The following PPARD variants were observed in gnomAD, a reference collection of about 807,000 sequenced individuals.
PPARD encodes the protein peroxisome proliferator-activated receptor delta.
PPARD carries 6 observed loss-of-function variants against 39.5 expected under a neutral mutation model. The observed-to-expected ratio is 0.15, with a 90% CI of 0.08 to 0.30. The LOEUF (loss-of-function observed/expected upper bound fraction) is 0.30, where lower values mean the gene tolerates loss of function less well. Among genes scored for constraint, PPARD ranks in the 10% least tolerant of loss-of-function variants. PPARD has a pLI of 1.00. For synonymous variants in PPARD, 210 were observed against 231.3 expected (o/e 0.91, Z 0.83); for missense variants, 397 against 596.8 (o/e 0.67, Z 3.49).
chr6:35,388,808 C>G (rs1722799993), intron 2 of PPARD, among the ~76,000 whole-genome samples: 1 of 152,114 alleles, frequency 6.6e-6, no homozygotes, highest in South Asian at 2.1e-4. Flanking sequence ...AAACATGTGG[C>G]AGAGGGTCGG....
At chr6:35,349,064 C>T in intron 2 of PPARD, 3 of 971,286 alleles carry the variant, frequency 3.1e-6, no homozygotes, top group Non-Finnish European at 3.7e-6. Flanking sequence ...CTCGCTCTGT[C>T]ACCCAGGCTG....
chr6:35,388,107 C>G (rs999623046), intron 2 of PPARD, among the ~76,000 whole-genome samples: 10 of 151,382 alleles, frequency 6.6e-5, no homozygotes, highest in Admixed American at 1.3e-4. Flanking sequence ...CTCTTCATAG[C>G]TGTTTTCCAG....
intron 1 of PPARD, among the ~76,000 whole-genome samples, chr6:35,344,555 A>T (rs1792055315): frequency 6.6e-6 from 1 of 152,094 alleles, no homozygotes; most frequent in South Asian, 2.1e-4. Flanking sequence ...TCAAGAAATA[A>T]CATATCCTTT....
At chr6:35,405,920 G>A (rs1049883068) in intron 2 of PPARD, among the ~76,000 whole-genome samples, 5 of 148,174 alleles carry the variant, frequency 3.4e-5, no homozygotes, top group Non-Finnish European at 5.9e-5. Flanking sequence ...ATGAACCACC[G>A]CACCTGGACT....
In PPARD at chr6:35,380,646, A is replaced by T. The variant is rs1763106623; in HGVS notation, c.-101-30341A>T. ...AGCTGGAACTACAGGCACATGCACC[A>T]CACCCGGCTAATTTTTAAATTTTTT... On this transcript the variant is annotated intron_variant, in intron 2 of 7. Transcript: ENST00000360694. 5.3e-5 allele frequency among the ~76,000 whole-genome samples: 8 copies of T among 151,178 alleles called. No individual in the cohort carries two copies. In the South Asian group the frequency reaches 1.7e-3, roughly 32 times the overall value.
intron 1 of PPARD, among the ~76,000 whole-genome samples, chr6:35,346,616 C>A (rs756356711): frequency 3.9e-5 from 6 of 152,162 alleles, no homozygotes; most frequent in Non-Finnish European, 8.8e-5. Flanking sequence ...GAGAACATGG[C>A]CCCTTGCATC....
At chr6:35,382,473 G>A (rs1440108695) in intron 2 of PPARD, among the ~76,000 whole-genome samples, 1 of 152,170 alleles carries the variant, frequency 6.6e-6, no homozygotes, top group African/African-American at 2.4e-5. Flanking sequence ...TTAATTATGT[G>A]TAAAAATACT....
chr6:35,423,782 C>T (rs1355932944), intron 5 of PPARD, among the ~76,000 whole-genome samples, 164 bp from the exon 6 acceptor site: 3 of 151,712 alleles, frequency 2.0e-5, no homozygotes, highest in African/African-American at 4.8e-5. Context: ...GTGGAGCTTG[C>T]GATCTGGAGG....
At chr6:35,402,136 A>G (rs182889469) in intron 2 of PPARD, among the ~76,000 whole-genome samples, 20 of 152,340 alleles carry the variant, frequency 1.3e-4, no homozygotes, top group Admixed American at 1.2e-3. Context: ...TTATAAAGGT[A>G]TCCCACGCTC....
At position 35,425,426 on chromosome 6, in the gene PPARD, C is replaced by G. The variant is rs745847355; in HGVS notation, c.1079-406C>G. On this transcript the variant is annotated intron_variant, in intron 7 of 7. Coordinates refer to ENST00000360694, the MANE Select transcript of PPARD (RefSeq NM_006238.5). This position sits in a 1 kb window ranked among gnomAD's most constrained non-coding sequence, Gnocchi z 4.5. ...CAGTGGTCTAGAGCTTACTTCATGC[C>G]AGGCACTGTTCTTTTCATCGATGAT... 1.7e-5 allele frequency: 18 copies of G among 1,073,456 alleles called. No individual in the cohort carries two copies. The highest frequency in any genetic ancestry group is 2.0e-5 in the Non-Finnish European group (18 of 882,058). 66.5% of individuals were successfully genotyped at this position (1,073,456 alleles called of 1,614,324 possible). A position where few individuals can be genotyped will look rare whatever the true frequency, so the allele number is the denominator to read the frequency against.
At chr6:35,397,662 A>T in intron 2 of PPARD, 1 of 605,040 alleles carries the variant, frequency 1.7e-6, no homozygotes, top group Middle Eastern at 8.4e-4. Flanking sequence ...GGTTATGTGA[A>T]TCTAACAACA....
Position 35,425,744 on chromosome 6 carries a change from G to C in PPARD, c.1079-88G>C, listed in dbSNP as rs540703715. 1 of 1,552,956 alleles carries C rather than the reference G, an allele frequency of 6.4e-7. No individual in the cohort carries two copies. Among genetic ancestry groups the C allele is most frequent in the African/African-American group, 1.4e-5 (1 of 73,944 alleles). ...TCTGTCACGGCCAAGGAGGCCTGCC[G>C]TCCCCTGGGCCAAGTCACCTCTTGG... On this transcript the variant is annotated intron_variant, in intron 7 of 7. Transcript: ENST00000360694. The surrounding 1 kb of genome is among the most constrained non-coding windows in gnomAD (Gnocchi z 4.5).
At chr6:35,346,991 T>TATCATTAAAAAA in intron 1 of PPARD, 76 bp from the exon 2 acceptor site, 2 of 850,496 alleles carry the variant, frequency 2.4e-6, no homozygotes, top group Admixed American at 2.5e-5. Context: ...TTACGGTGGG[T>TATCATTAAAAAA]ATAACTTATT....
chr6:35,369,848 A>G (rs1335580135), intron 2 of PPARD, among the ~76,000 whole-genome samples: 1 of 152,242 alleles, frequency 6.6e-6, no homozygotes, highest in Admixed American at 6.5e-5. Context: ...TGACTAGAAC[A>G]AAAGCTCTTT....
chr6:35,400,317 C>G (rs72894707), intron 2 of PPARD, among the ~76,000 whole-genome samples: 3,423 of 152,276 alleles, frequency 0.022, 66 homozygotes, highest in Non-Finnish European at 0.034. Flanking sequence ...GAGCAAGAGC[C>G]AGTCAGAGCT....
intron 3 of PPARD, among the ~76,000 whole-genome samples, chr6:35,415,197 TGGACAA>T (rs1182171496): frequency 1.3e-5 from 2 of 152,176 alleles, no homozygotes; most frequent in African/African-American, 4.8e-5. Context: ...CATACAGTGG[TGGACAA>T]GGCTGAGTGC....
At chr6:35,414,091 C>T (rs1012281428) in intron 3 of PPARD, among the ~76,000 whole-genome samples, 1 of 152,070 alleles carries the variant, frequency 6.6e-6, no homozygotes, top group Non-Finnish European at 1.5e-5. Context: ...CAGGACTGCT[C>T]ATAAGAGCAA....
At chr6:35,404,406 G>C (rs1340223407) in intron 2 of PPARD, among the ~76,000 whole-genome samples, 1 of 152,188 alleles carries the variant, frequency 6.6e-6, no homozygotes, top group Non-Finnish European at 1.5e-5. Flanking sequence ...TGTGATGGAG[G>C]TGGTGATCCA....
Position 35,405,565 on chromosome 6 carries a change from C to CA in PPARD, c.-101-5409dup, listed in dbSNP as rs749211082. On this transcript the variant is annotated intron_variant, in intron 2 of 7. Transcript: ENST00000360694. Reference sequence around the variant, plus strand: ...AGATAGCCAACACTGGGAGCCAGACCAAAAAAAAAAAAAGCCAGGGTTTTT... The same window carrying CA: ...AGATAGCCAACACTGGGAGCCAGACCAAAAAAAAAAAAAAGCCAGGGTTTTT... Among the ~76,000 whole-genome samples, 314 of 125,290 alleles carry CA rather than the reference C, an allele frequency of 2.5e-3. 5 individuals are homozygous for CA. In the East Asian group the frequency reaches 0.037, roughly 15 times the overall value. The allele number at this position is 125,290 out of a possible 152,430, so 82.2% of individuals were successfully genotyped here.
Sources: gnomAD v4.1 joint callset for allele counts (sites outside exome capture counted in the v4.1 genomes callset) on GRCh38, gnomAD v4.1.1 for gene constraint, Gnocchi (gnomAD v3.1) non-coding constraint, MANE v1.5 for transcripts, NCBI Gene and HGNC (gene_info 2026-07-23, HGNC 2026-07-21) for gene names.